Variants in TNIP1 observed in about 807,000 individuals in gnomAD.
TNIP1 encodes the protein TNFAIP3-interacting protein 1.
TNIP1 carries 22 observed loss-of-function variants against 86.6 expected under a neutral mutation model. The ratio of observed to expected loss-of-function variants is 0.25; its 90% CI spans 0.18 to 0.36. The LOEUF is 0.36. Among genes scored for constraint, TNIP1 ranks in the 10% least tolerant of loss-of-function variants. The probability of loss-of-function intolerance (pLI) is 1.00; values close to 1 mark genes in which losing one functional copy is unlikely to be tolerated. For synonymous variants in TNIP1, 294 were observed against 313.0 expected (o/e 0.94, Z 0.64); for missense variants, 709 against 820.6 (o/e 0.86, Z 1.66).
intron 9 of TNIP1, among the ~76,000 whole-genome samples, chr5:151,045,146 C>A (rs140108255): frequency 6.6e-6 from 1 of 152,000 alleles, no homozygotes; most frequent in Admixed American, 6.6e-5. Flanking sequence ...GGCTGGCACG[C>A]GGTGGCACGG....
intron 1 of TNIP1, among the ~76,000 whole-genome samples, chr5:151,069,486 G>A (rs1762597718): frequency 6.6e-6 from 1 of 152,230 alleles, no homozygotes; most frequent in Non-Finnish European, 1.5e-5. Context: ...CTGAAGTCCA[G>A]CTTGGGGACT....
At chr5:151,086,373 G>A (rs59750343) in intron 1 of TNIP1, among the ~76,000 whole-genome samples, 2,384 of 152,268 alleles carry the variant, frequency 0.016, 57 homozygotes, top group African/African-American at 0.054. Flanking sequence ...TCTGTTACAG[G>A]TTCCACCACA....
At chr5:151,049,999 C>G in intron 7 of TNIP1, 52 bp from the exon 8 acceptor site, 1 of 1,610,806 alleles carries the variant, frequency 6.2e-7, no homozygotes, top group Non-Finnish European at 8.5e-7. Context: ...AGTTAAGAAA[C>G]CTACAGGGCT....
intron 1 of TNIP1, among the ~76,000 whole-genome samples, chr5:151,072,156 G>A (rs903341679): frequency 6.6e-6 from 1 of 152,182 alleles, no homozygotes; most frequent in African/African-American, 2.4e-5. Context: ...CAATCTGTCA[G>A]ATTCCAACAT....
chr5:151,056,643 T>A (rs1165514375), intron 6 of TNIP1, 123 bp downstream of exon 6: 2 of 957,912 alleles, frequency 2.1e-6, no homozygotes, highest in African/African-American at 3.4e-5. Context: ...GCCCGAAGTC[T>A]GCCCACAACA....
rs1468966759 is a variant in TNIP1, at chr5:151,073,555, C to G, written c.-37+7325G>C. 3.0e-5 allele frequency among the ~76,000 whole-genome samples: 4 copies of G among 134,026 alleles called. No homozygotes were observed. The East Asian group carries it at 6.5e-4, about 22-fold the overall frequency. 87.9% of individuals were successfully genotyped at this position (134,026 alleles called of 152,430 possible). A position where few individuals can be genotyped will look rare whatever the true frequency, so the allele number is the denominator to read the frequency against. On this transcript the variant is annotated intron_variant, in intron 1 of 17. Transcript: ENST00000521591. ...GCAAAGTGCAGATTTATATGTGTAA[C>G]AGGATGCTATTTTTTTCAAAAACAC...
intron 1 of TNIP1, among the ~76,000 whole-genome samples, chr5:151,080,656 C>G (rs1477548557): frequency 6.6e-6 from 1 of 152,194 alleles, no homozygotes; most frequent in East Asian, 1.9e-4. Context: ...CGTGCTACCC[C>G]GCGCAGTGCG....
In TNIP1 at chr5:151,039,129, A is replaced by G. The variant is rs754701968; in HGVS notation, c.1231T>C (p.Tyr411His). Residue 411 changes from tyrosine to histidine, a missense_variant, in exon 12 of 18, where the codon TAC (tyrosine) becomes CAC (histidine). Physicochemically the swap from Tyr to His is moderately conservative, Grantham distance 83. Transcript: ENST00000521591. Reference sequence around the variant, plus strand: ...AGCCGCTGGATCTCCTTTTCCTGGTACTCACGCTGTCGGGTGAGTGGGCTC... The same window carrying G: ...AGCCGCTGGATCTCCTTTTCCTGGTGCTCACGCTGTCGGGTGAGTGGGCTC... ...QLSPLTRQRE[Y>H]QEKEIQRLNK... 11 of 1,613,802 alleles carry G rather than the reference A, an allele frequency of 6.8e-6. No homozygotes were observed. The highest frequency in any genetic ancestry group is 5.1e-6 in the Non-Finnish European group (6 of 1,179,940).
intron 1 of TNIP1, among the ~76,000 whole-genome samples, 177 bp downstream of exon 1, chr5:151,080,703 G>A (rs1373631754): frequency 6.6e-6 from 1 of 152,204 alleles, no homozygotes; most frequent in Non-Finnish European, 1.5e-5. Flanking sequence ...GCCAAGCAGG[G>A]AGTAGCGGCT....
Position 151,045,916 on chromosome 5 carries a change from A to G in TNIP1, c.881T>C (p.Val294Ala). ...CTTCTTCTCGGCTGCGCCCAAGGCC[A>G]CCACCTCTGGGACCTTACCTGCCGT... is the stretch of plus-strand genomic sequence containing the variant. ...SVTAGKVPEV[V>A]ALGAAEKKVK... The change falls in exon 9 of 18, where the codon GTG becomes GCG. Residue 294 changes from valine to alanine, a missense_variant. By Grantham distance (64) the Val-to-Ala change is moderately conservative (BLOSUM62 0). Coordinates refer to ENST00000521591, the MANE Select transcript of TNIP1 (RefSeq NM_006058.5). The G allele has an allele frequency of 6.2e-7, 1 of 1,613,982 alleles. No homozygotes were observed. Among genetic ancestry groups the G allele is most frequent in the Non-Finnish European group, 8.5e-7 (1 of 1,180,010 alleles).
intron 1 of TNIP1, among the ~76,000 whole-genome samples, chr5:151,072,251 C>T (rs1177859261): frequency 6.6e-6 from 1 of 152,206 alleles, no homozygotes; most frequent in East Asian, 1.9e-4. Flanking sequence ...CTTTCCAGTT[C>T]TCCAGAACGT....
intron 1 of TNIP1, among the ~76,000 whole-genome samples, chr5:151,071,985 T>G (rs1762869740): frequency 6.6e-6 from 1 of 152,176 alleles, no homozygotes; most frequent in African/African-American, 2.4e-5. Flanking sequence ...GCACATGACC[T>G]CATTTTCTTC....
chr5:151,038,859 C>T (rs1758037386), intron 12 of TNIP1, among the ~76,000 whole-genome samples: 1 of 152,010 alleles, frequency 6.6e-6, no homozygotes. Flanking sequence ...GCAGGGTGGG[C>T]AGGTGAGGCA....
At chr5:151,042,438 C>A in intron 11 of TNIP1, 102 bp downstream of exon 11, 1 of 1,509,770 alleles carries the variant, frequency 6.6e-7, no homozygotes, top group South Asian at 1.2e-5. Flanking sequence ...TCGCACTAGA[C>A]CCCCGGGTCT....
chr5:151,037,115 T>G, intron 12 of TNIP1, 194 bp from the exon 13 acceptor site: 1 of 607,422 alleles, frequency 1.6e-6, no homozygotes, highest in Non-Finnish European at 2.6e-6. Flanking sequence ...TTCTGCACAG[T>G]GCCATGAAGA....
At chr5:151,068,319 T>G (rs58474444) in intron 1 of TNIP1, among the ~76,000 whole-genome samples, 16,743 of 152,188 alleles carry the variant, frequency 0.11, 1,056 homozygotes, top group African/African-American at 0.18. Context: ...ACTCTCCCTC[T>G]GATCAATGAG....
At position 151,067,576 on chromosome 5, in the gene TNIP1, A is replaced by C. The variant is rs182507784; in HGVS notation, c.-36-2445T>G. ...GTCCACCATTATGCATTCACCCTAA[A>C]TGGAACTCACAGTCAACACCACATG... On this transcript the variant is annotated intron_variant, in intron 1 of 17. Coordinates refer to ENST00000521591, the MANE Select transcript of TNIP1 (RefSeq NM_006058.5). 3.3e-3 allele frequency among the ~76,000 whole-genome samples: 510 copies of C among 152,280 alleles called. 4 individuals carry two copies. Among genetic ancestry groups the C allele is most frequent in the Non-Finnish European group, 5.0e-3 (341 of 68,012 alleles).
upstream of TNIP1, among the ~76,000 whole-genome samples, chr5:151,083,593 G>A (rs1449672434): frequency 6.6e-6 from 1 of 152,182 alleles, no homozygotes; most frequent in African/African-American, 2.4e-5. Context: ...CCAGAGTAAT[G>A]ACAAGCACTC....
intron 11 of TNIP1, among the ~76,000 whole-genome samples, chr5:151,039,506 C>T (rs1047021953): frequency 3.9e-5 from 6 of 152,140 alleles, no homozygotes; most frequent in Non-Finnish European, 5.9e-5. Context: ...CAGCTGAGAC[C>T]CCTGGCACTG....
Sources: gnomAD v4.1 joint callset for allele counts (sites outside exome capture counted in the v4.1 genomes callset) on GRCh38, gnomAD v4.1.1 for gene constraint, MANE v1.5 for transcripts, NCBI Gene and HGNC (gene_info 2026-07-23, HGNC 2026-07-21) for gene names.